DCHS1: variants seen among roughly 807,000 people sequenced by gnomAD.
The protein encoded by DCHS1 is protocadherin-16.
DCHS1 carries 78 observed loss-of-function variants against 213.9 expected under a neutral mutation model. The observed-to-expected ratio is 0.36, with a 90% CI of 0.30 to 0.44. The LOEUF (loss-of-function observed/expected upper bound fraction) is 0.44. Among genes scored for constraint, DCHS1 ranks in the 20% least tolerant of loss-of-function variants. The probability of loss-of-function intolerance (pLI) is 1.00; values close to 1 mark genes in which losing one functional copy is unlikely to be tolerated. For synonymous variants in DCHS1, 1,828 were observed against 1,873.7 expected (o/e 0.98, Z 0.63); for missense variants, 3,946 against 4,395.9 (o/e 0.90, Z 2.89).
chr11:6,630,496 G>A lies in DCHS1; in HGVS notation c.4298C>T (p.Ala1433Val). 1 of 1,537,264 alleles carries A rather than the reference G, an allele frequency of 6.5e-7. No individual in the cohort carries two copies. Among genetic ancestry groups the A allele is most frequent in the Non-Finnish European group, 8.7e-7 (1 of 1,148,268 alleles). The change falls in exon 10 of 21, where the codon GCG (alanine) becomes GTG (valine). Residue 1433 changes from alanine (A) to valine (V), a missense_variant. Ala to Val is a moderately conservative substitution (Grantham distance 64). Around this residue, in one of 3 missense-constraint regions of DCHS1, gnomAD observed 3,384 missense variants for 3,780.1 expected, o/e 0.90. Coordinates refer to ENST00000299441, the MANE Select transcript of DCHS1 (RefSeq NM_003737.4). ...QVQVQDENEH[A>V]PAFARDPLAL... Reference sequence around the variant, plus strand: ...CAGCGGGTCGCGCGCAAAGGCGGGCGCATGCTCATTCTCGTCCTGCACTTG... The same window carrying A: ...CAGCGGGTCGCGCGCAAAGGCGGGCACATGCTCATTCTCGTCCTGCACTTG...
At position 6,627,894 on chromosome 11, in the gene DCHS1, G is replaced by A. The variant is rs1326476017; in HGVS notation, c.5372-227C>T. 6.6e-6 allele frequency among the ~76,000 whole-genome samples: 1 copy of A among 152,210 alleles called. No homozygotes were observed. The highest frequency in any genetic ancestry group is 1.9e-4 in the East Asian group (1 of 5,204). Reference sequence around the variant, plus strand: ...CCCCAAGTCCTTTTCATGTGCATAAGATCAAAATTATTTCATAGCACTACT... The same window carrying A: ...CCCCAAGTCCTTTTCATGTGCATAAAATCAAAATTATTTCATAGCACTACT... On this transcript the variant is annotated intron_variant, in intron 13 of 20. Transcript: ENST00000299441. The surrounding 1 kb of genome is among the most constrained non-coding windows in gnomAD (Gnocchi z 5.4).
Position 6,624,285 on chromosome 11 carries a change from G to A in DCHS1, c.7391C>T (p.Ala2464Val), listed in dbSNP as rs1468152684. ...ARDHGAPGRA[A>V]RATVHVQLQD... ...CAGCTGCACGTGCACTGTGGCTCGT[G>A]CTGCCCGGCCTGGAGCCCCGTGGTC... is the stretch of plus-strand genomic sequence containing the variant. The change falls in exon 21 of 21, where the codon GCA becomes GTA. Residue 2464 changes from alanine (A) to valine (V), a missense_variant. By Grantham distance (64) the Ala-to-Val change is moderately conservative (BLOSUM62 0). Transcript: ENST00000299441. 1 of 1,601,110 alleles carries A rather than the reference G, an allele frequency of 6.2e-7. No homozygotes were observed. The highest frequency in any genetic ancestry group is 8.5e-7 in the Non-Finnish European group (1 of 1,174,762).
chr11:6,645,388 A>G (rs1201057004), intron 1 of DCHS1, among the ~76,000 whole-genome samples: 2 of 152,154 alleles, frequency 1.3e-5, no homozygotes, highest in Non-Finnish European at 2.9e-5. Context: ...GAATGGCTCT[A>G]TTGATTTAAT....
chr11:6,651,088 G>A (rs1205817905), intron 1 of DCHS1, among the ~76,000 whole-genome samples: 1 of 152,226 alleles, frequency 6.6e-6, no homozygotes, highest in Non-Finnish European at 1.5e-5. Flanking sequence ...GTGGGACCCT[G>A]AGTCACAAAG....
chr11:6,647,775 G>C (rs1038998922), intron 1 of DCHS1, among the ~76,000 whole-genome samples: 1 of 152,194 alleles, frequency 6.6e-6, no homozygotes, highest in African/African-American at 2.4e-5. Context: ...GAGAAAGATG[G>C]AGAGAATAAG....
At chr11:6,651,011 C>A (rs530332930) in intron 1 of DCHS1, among the ~76,000 whole-genome samples, 14 of 152,054 alleles carry the variant, frequency 9.2e-5, no homozygotes, top group African/African-American at 3.1e-4. Context: ...GAAGAGTGAA[C>A]GAGGGTGAGG....
intron 3 of DCHS1, 48 bp downstream of exon 3, chr11:6,634,070 G>A: frequency 6.2e-7 from 1 of 1,602,724 alleles, no homozygotes; most frequent in Non-Finnish European, 8.5e-7. Flanking sequence ...TGGCCCTGGT[G>A]AGTGCCCTAC....
Position 6,621,859 on chromosome 11 carries a change from C to A in DCHS1, c.9817G>T (p.Val3273Leu). Residue 3273 changes from valine (V) to leucine (L), a missense_variant, in exon 21 of 21, where the codon GTG becomes TTG. Val to Leu is a conservative substitution (Grantham distance 32). Coordinates refer to ENST00000299441, the MANE Select transcript of DCHS1 (RefSeq NM_003737.4). ...ARSPVVSPFG[V>L]AQGPSASALS... The stretch of plus-strand genomic sequence containing the variant: ...GCTGAGGCTGAGGGACCCTGGGCCA[C>A]CCCAAATGGTGAGACAACGGGTGAG... 1.2e-6 allele frequency: 2 copies of A among 1,611,390 alleles called. No individual in the cohort carries two copies. Among genetic ancestry groups the A allele is most frequent in the Non-Finnish European group, 1.7e-6 (2 of 1,178,836 alleles).
rs777589243 is a variant in DCHS1, at chr11:6,626,510, C to T, written c.6364+42G>A. On this transcript the variant is annotated intron_variant, in intron 15 of 20. Coordinates refer to ENST00000299441, the MANE Select transcript of DCHS1 (RefSeq NM_003737.4). This position sits in a 1 kb window ranked among gnomAD's most constrained non-coding sequence, Gnocchi z 5.2. Reference sequence around the variant, plus strand: ...CTCTGATGCAAAGAACCTGCTTCCCCAGTAGCCTGTCCTGCACAGAGCCCC... The same window carrying T: ...CTCTGATGCAAAGAACCTGCTTCCCTAGTAGCCTGTCCTGCACAGAGCCCC... 1.2e-6 allele frequency: 2 copies of T among 1,609,652 alleles called. No individual in the cohort carries two copies. The highest frequency in any genetic ancestry group is 2.2e-5 in the East Asian group (1 of 44,858).
At position 6,641,428 on chromosome 11, in the gene DCHS1, G is replaced by A. The variant is rs766867933; in HGVS notation, c.186C>T (p.Gly62=). 7.1e-4 allele frequency: 1,143 copies of A among 1,612,138 alleles called. No individual in the cohort carries two copies. Among genetic ancestry groups the A allele is most frequent in the Non-Finnish European group, 9.3e-4 (1,099 of 1,179,504 alleles). The stretch of plus-strand genomic sequence containing the variant: ...CTGCCGGAAGCCCCGCACTGATGTC[G>A]CCAATCAGTGTACCCGCTGGCTGCT... The part of the protein sequence containing the change: ...DEEQPAGTLI[G]DISAGLPAGT... The change falls in exon 2 of 21, where the codon GGC becomes GGT. Residue 62 remains glycine (G), a synonymous_variant. Coordinates refer to ENST00000299441, the MANE Select transcript of DCHS1 (RefSeq NM_003737.4). This position sits in a 1 kb window ranked among gnomAD's most constrained non-coding sequence, Gnocchi z 7.1.
intron 1 of DCHS1, among the ~76,000 whole-genome samples, chr11:6,655,327 G>C (rs1304578962): frequency 2.6e-5 from 4 of 151,496 alleles, no homozygotes; most frequent in Non-Finnish European, 5.9e-5. Context: ...CACCCCCGGC[G>C]CACGCTCCCG....
rs1157567335 is a variant in DCHS1, at chr11:6,641,537, A to AGCC, written c.76_77insGGC (p.Leu25_Leu26insArg). 3 of 1,552,902 alleles carry AGCC rather than the reference A, an allele frequency of 1.9e-6. No individual in the cohort carries two copies. Among genetic ancestry groups the AGCC allele is most frequent in the Non-Finnish European group, 2.6e-6 (3 of 1,148,394 alleles). On this transcript the variant is annotated inframe_insertion, in exon 2 of 21. Transcript: ENST00000299441. The surrounding 1 kb of genome is among the most constrained non-coding windows in gnomAD (Gnocchi z 7.1). ...CCCCAGCAGCAGCAGCAGCAGCAGC[A>AGCC]GCAATGGTAGCAGGAGGTGGGGCCT...
At chr11:6,634,348 C>A (rs1855959088) in intron 2 of DCHS1, 42 bp from the exon 3 acceptor site, 2 of 1,522,506 alleles carry the variant, frequency 1.3e-6, no homozygotes, top group African/African-American at 1.4e-5. Flanking sequence ...TCTTCTTTGC[C>A]AGAAAAGCCA....
rs1856039849 is a variant in DCHS1, at chr11:6,639,903, C to T, written c.1711G>A (p.Val571Met). The change falls in exon 2 of 21, where the codon GTG (valine) becomes ATG (methionine). Residue 571 changes from valine (V) to methionine (M), a missense_variant. Around this residue, in one of 3 missense-constraint regions of DCHS1, gnomAD observed 3,384 missense variants for 3,780.1 expected, o/e 0.90. Coordinates refer to ENST00000299441, the MANE Select transcript of DCHS1 (RefSeq NM_003737.4). The part of the protein sequence containing the change: ...SATVSVALQD[V>M]NDNEPQFQRT... ...TGGAATTGGGGCTCATTATCATTCACATCTTGCAGGGCCACGCTAACTGTG... is the reference window on the plus strand; with the variant it reads ...TGGAATTGGGGCTCATTATCATTCATATCTTGCAGGGCCACGCTAACTGTG... 6.2e-7 allele frequency: 1 copy of T among 1,613,858 alleles called. No individual in the cohort carries two copies. Among genetic ancestry groups the T allele is most frequent in the Non-Finnish European group, 8.5e-7 (1 of 1,179,850 alleles).
At position 6,641,693 on chromosome 11, in the gene DCHS1, A is replaced by G; in HGVS notation, c.-80T>C. On this transcript the variant is annotated 5_prime_UTR_variant, in exon 2 of 21. Coordinates refer to ENST00000299441, the MANE Select transcript of DCHS1 (RefSeq NM_003737.4). This position sits in a 1 kb window ranked among gnomAD's most constrained non-coding sequence, Gnocchi z 7.1. ...CCAGCTTGACCTCAGACTTTGGGTC[A>G]GGTCCCACTGGGGCCCTGGCTCCAG... 1 of 1,459,626 alleles carries G rather than the reference A, an allele frequency of 6.9e-7. No homozygotes were observed. Among genetic ancestry groups the G allele is most frequent in the Non-Finnish European group, 9.1e-7 (1 of 1,104,568 alleles). 90.4% of individuals were successfully genotyped at this position (1,459,626 alleles called of 1,614,324 possible).
At position 6,623,246 on chromosome 11, in the gene DCHS1, G is replaced by A; in HGVS notation, c.8430C>T (p.Asp2810=). ...GGAAAGCTGGTGCCAGAAATACAGG[G>A]TCATACTCATCCTCTCCAGTCACTA... ...SVLVTGEDEY[D]PVFLAPAFHF... is the part of the protein sequence containing the mutation. Residue 2810 remains aspartate (D), a synonymous_variant, in exon 21 of 21, where the codon GAC becomes GAT. Coordinates refer to ENST00000299441, the MANE Select transcript of DCHS1 (RefSeq NM_003737.4). The A allele has an allele frequency of 6.3e-7, 1 of 1,591,654 alleles. No individual in the cohort carries two copies. Among genetic ancestry groups the A allele is most frequent in the Non-Finnish European group, 8.6e-7 (1 of 1,168,888 alleles).
At chr11:6,629,379 T>C in intron 12 of DCHS1, 73 bp downstream of exon 12, 1 of 1,556,022 alleles carries the variant, frequency 6.4e-7, no homozygotes. Flanking sequence ...GGTAGTACTT[T>C]GGGTATTCTA....
rs756532731 is a variant in DCHS1, at chr11:6,623,522, A to G, written c.8154T>C (p.Asn2718=). 1 of 1,606,404 alleles carries G rather than the reference A, an allele frequency of 6.2e-7. No homozygotes were observed. Among genetic ancestry groups the G allele is most frequent in the South Asian group, 1.1e-5 (1 of 89,804 alleles). The change falls in exon 21 of 21, where the codon AAT becomes AAC. Residue 2718 remains asparagine, a synonymous_variant. Coordinates refer to ENST00000299441, the MANE Select transcript of DCHS1 (RefSeq NM_003737.4). ...LNLLSTSVAE[N]QPPGTLVTTL... is the part of the protein sequence containing the mutation. The stretch of plus-strand genomic sequence containing the variant: ...TGGTCACGAGAGTGCCTGGAGGCTG[A>G]TTCTCGGCCACGCTGGTGCTGAGTA...
chr11:6,627,803 A>G lies in DCHS1; in HGVS notation c.5372-136T>C. The G allele has an allele frequency of 9.6e-7, 1 of 1,039,482 alleles. No homozygotes were observed. The highest frequency in any genetic ancestry group is 1.3e-6 in the Non-Finnish European group (1 of 740,760). 64.4% of individuals were successfully genotyped at this position (1,039,482 alleles called of 1,614,324 possible). ...GAGAAAGGAAGAAAAACAGAAACAGAAAGTAAAAGAAGATACTATAAAGCA... is the reference window on the plus strand; with the variant it reads ...GAGAAAGGAAGAAAAACAGAAACAGGAAGTAAAAGAAGATACTATAAAGCA... On this transcript the variant is annotated intron_variant, in intron 13 of 20. Coordinates refer to ENST00000299441, the MANE Select transcript of DCHS1 (RefSeq NM_003737.4). The surrounding 1 kb of genome is among the most constrained non-coding windows in gnomAD (Gnocchi z 5.4).
Sources: gnomAD v4.1 joint callset for allele counts (sites outside exome capture counted in the v4.1 genomes callset) on GRCh38, gnomAD v4.1.1 for gene constraint, gnomAD v4.1.1 regional missense constraint, Gnocchi (gnomAD v3.1) non-coding constraint, MANE v1.5 for transcripts, NCBI Gene and HGNC (gene_info 2026-07-23, HGNC 2026-07-21) for gene names.